Variants in GNAQ observed in about 807,000 individuals in gnomAD.
The protein encoded by GNAQ is guanine nucleotide-binding protein G(q) subunit alpha.
In GNAQ, 8 loss-of-function variants were observed where a neutral mutation model predicts 43.9. The observed-to-expected ratio is 0.18, with a 90% CI of 0.11 to 0.33. The LOEUF is 0.33. GNAQ is among the 10% of genes least tolerant of loss of function. GNAQ has a pLI of 1.00. For synonymous variants in GNAQ, 155 were observed against 170.7 expected (o/e 0.91, Z 0.71); for missense variants, 158 against 450.8 (o/e 0.35, Z 5.88).
At position 77,719,938 on chromosome 9, in the gene GNAQ, T is replaced by C. The variant is rs1825284579; in HGVS notation, c.*1385A>G. 4.3e-6 allele frequency: 1 copy of C among 232,348 alleles called. No homozygotes were observed. Among genetic ancestry groups the C allele is most frequent in the Non-Finnish European group, 8.5e-6 (1 of 117,502 alleles). The allele number at this position is 232,348 out of a possible 1,614,324, so 14.4% of individuals were successfully genotyped here. Reference sequence around the variant, plus strand: ...GTGGTAAACTAGCAGGAACTTCAGATTTTGGAAATTAAAGGTGTCGGAATA... The same window carrying C: ...GTGGTAAACTAGCAGGAACTTCAGACTTTGGAAATTAAAGGTGTCGGAATA... On this transcript the variant is annotated 3_prime_UTR_variant, in exon 7 of 7. Transcript: ENST00000286548.
At chr9:77,767,056 C>T (rs542440280) in intron 5 of GNAQ, among the ~76,000 whole-genome samples, 12 of 152,152 alleles carry the variant, frequency 7.9e-5, no homozygotes, top group Admixed American at 5.2e-4. Flanking sequence ...TGTCAGGGAA[C>T]GTTTAGTGTG....
chr9:78,026,033 A>G (rs1823975429), intron 1 of GNAQ, among the ~76,000 whole-genome samples: 1 of 152,198 alleles, frequency 6.6e-6, no homozygotes, highest in Non-Finnish European at 1.5e-5. Flanking sequence ...ACTGAACATA[A>G]GCCATTTCTC....
intron 6 of GNAQ, among the ~76,000 whole-genome samples, chr9:77,728,215 G>A (rs762749462): frequency 3.0e-4 from 45 of 152,176 alleles, no homozygotes; most frequent in Non-Finnish European, 5.4e-4. Context: ...GGATGGTCTC[G>A]ATCGCTTGAC....
intron 2 of GNAQ, among the ~76,000 whole-genome samples, chr9:77,901,798 C>T (rs1828620399): frequency 1.3e-5 from 2 of 152,178 alleles, no homozygotes; most frequent in South Asian, 4.1e-4. Flanking sequence ...ATTTATTTCT[C>T]ACAGTCCTGG....
At chr9:77,933,506 G>A (rs1015422016) in intron 1 of GNAQ, among the ~76,000 whole-genome samples, 8 of 151,966 alleles carry the variant, frequency 5.3e-5, no homozygotes, top group Admixed American at 4.6e-4. Context: ...TTAGCCAGAC[G>A]GGGTGGTGCA....
chr9:77,983,228 T>C (rs1172606538), intron 1 of GNAQ, among the ~76,000 whole-genome samples: 1 of 152,208 alleles, frequency 6.6e-6, no homozygotes, highest in African/African-American at 2.4e-5. Flanking sequence ...GTGATAACAT[T>C]TACATAGTAT....
intron 3 of GNAQ, among the ~76,000 whole-genome samples, chr9:77,803,544 T>C (rs1384941720): frequency 1.3e-5 from 2 of 152,232 alleles, no homozygotes; most frequent in African/African-American, 4.8e-5. Context: ...CAGTGATTCC[T>C]TTCTGACCAT....
chr9:77,848,671 A>C (rs751062542), intron 2 of GNAQ, among the ~76,000 whole-genome samples: 3 of 152,250 alleles, frequency 2.0e-5, no homozygotes, highest in Non-Finnish European at 4.4e-5. Flanking sequence ...TGGTCTATCC[A>C]GGGAGCTGAG....
intron 1 of GNAQ, among the ~76,000 whole-genome samples, chr9:78,022,412 A>C (rs1471326757): frequency 6.6e-6 from 1 of 152,218 alleles, no homozygotes; most frequent in Non-Finnish European, 1.5e-5. Flanking sequence ...TTATGTGGGA[A>C]AAAAAGATTC....
At chr9:77,917,403 A>C (rs1389172779) in intron 2 of GNAQ, among the ~76,000 whole-genome samples, 1 of 152,148 alleles carries the variant, frequency 6.6e-6, no homozygotes, top group Non-Finnish European at 1.5e-5. Flanking sequence ...AAAAATAACT[A>C]CTGGGTACTA....
chr9:77,878,685 C>T (rs1460286711), intron 2 of GNAQ, among the ~76,000 whole-genome samples: 1 of 151,706 alleles, frequency 6.6e-6, no homozygotes, highest in African/African-American at 2.4e-5. Flanking sequence ...TGTTTTGGTG[C>T]TTTTAAACTA....
rs868763744 is a variant in GNAQ at position 77,719,831 on chromosome 9, C to G, written c.*1492G>C. ...ACACAAATACATGTTCTATAGAACA[C>G]TGAGAGGTTACTTTTGAGTTAAGTC... On this transcript the variant is annotated 3_prime_UTR_variant, in exon 7 of 7. Coordinates refer to ENST00000286548, the MANE Select transcript of GNAQ (RefSeq NM_002072.5). 9 of 232,618 alleles carry G rather than the reference C, an allele frequency of 3.9e-5. No individual in the cohort carries two copies. The Middle Eastern group carries it at 5.1e-3, about 132-fold the overall frequency. The allele number at this position is 232,618 out of a possible 1,614,324, so 14.4% of individuals were successfully genotyped here. A position where few individuals can be genotyped will look rare whatever the true frequency, so the allele number is the denominator to read the frequency against.
chr9:77,959,924 G>A (rs1436634381), intron 1 of GNAQ, among the ~76,000 whole-genome samples: 5 of 152,118 alleles, frequency 3.3e-5, no homozygotes, highest in Non-Finnish European at 7.4e-5. Context: ...CCCTTGGATT[G>A]TAAAACCTAA....
At chr9:77,894,313 A>T (rs1293031619) in intron 2 of GNAQ, among the ~76,000 whole-genome samples, 3 of 5,000 alleles carry the variant, frequency 6.0e-4, no homozygotes, top group South Asian at 4.9e-3. Context: ...AATATATATA[A>T]TATATATTTA....
intron 1 of GNAQ, among the ~76,000 whole-genome samples, chr9:78,008,624 T>TTTC (rs1564177037): frequency 4.3e-4 from 58 of 134,172 alleles, no homozygotes; most frequent in Admixed American, 1.9e-3. Context: ...CATTTCATTT[T>TTTC]ATTTTATTTT....
At chr9:77,755,832 G>A (rs944466019) in intron 5 of GNAQ, among the ~76,000 whole-genome samples, 14 of 152,148 alleles carry the variant, frequency 9.2e-5, no homozygotes, top group African/African-American at 1.4e-4. Context: ...AAGTTGACAA[G>A]GGGTGGATTT....
chr9:78,021,047 T>TC (rs1248221424), intron 1 of GNAQ, among the ~76,000 whole-genome samples: 1 of 143,502 alleles, frequency 7.0e-6, no homozygotes, highest in East Asian at 2.0e-4. Flanking sequence ...GGAAGCTGCT[T>TC]TTTTTTTTTT....
At chr9:77,983,171 T>C (rs1486305190) in intron 1 of GNAQ, among the ~76,000 whole-genome samples, 1 of 152,204 alleles carries the variant, frequency 6.6e-6, no homozygotes, top group Non-Finnish European at 1.5e-5. Flanking sequence ...GGCACTTTGT[T>C]TCTCACTTGC....
chr9:77,910,345 T>C (rs991387457), intron 2 of GNAQ, among the ~76,000 whole-genome samples: 7 of 152,222 alleles, frequency 4.6e-5, no homozygotes, highest in South Asian at 2.1e-4. Flanking sequence ...AATAGATGCA[T>C]TGTTTTAAAA....
Sources: gnomAD v4.1 joint callset for allele counts (sites outside exome capture counted in the v4.1 genomes callset) on GRCh38, gnomAD v4.1.1 for gene constraint, MANE v1.5 for transcripts, NCBI Gene and HGNC (gene_info 2026-07-23, HGNC 2026-07-21) for gene names.